The following CMC2 variants were observed in gnomAD, a reference collection of about 807,000 sequenced individuals.
The protein encoded by CMC2 is C-X9-C motif containing 2.
In CMC2, 5 loss-of-function variants were observed where a neutral mutation model predicts 7.5. That is an observed-to-expected ratio of 0.66 (90% confidence interval 0.35 to 1.40). The LOEUF (loss-of-function observed/expected upper bound fraction) is 1.40. Among genes scored for constraint, CMC2 ranks in the 40% most tolerant of loss-of-function variants. The pLI, the probability that CMC2 is intolerant of heterozygous loss-of-function variation, is 0.04. For missense variants in CMC2, 115 were observed against 92.3 expected (o/e 1.25, Z -1.01); for synonymous variants, 37 against 31.4 (o/e 1.18, Z -0.60).
At chr16:80,991,800 G>C (rs1336114672) in intron 2 of CMC2, 1 of 372,998 alleles carries the variant, frequency 2.7e-6, no homozygotes, top group Non-Finnish European at 5.4e-6. Flanking sequence ...CCAATTATGA[G>C]GAAAACAAGA....
At chr16:80,995,391 C>T (rs962156528) in intron 2 of CMC2, among the ~76,000 whole-genome samples, 1 of 151,326 alleles carries the variant, frequency 6.6e-6, no homozygotes, top group African/African-American at 2.4e-5. Context: ...TGCAGTGGCT[C>T]ATGCCTGTAA....
intron 3 of CMC2, chr16:80,980,824 C>A (rs1312500979): frequency 2.9e-6 from 2 of 699,840 alleles, no homozygotes; most frequent in African/African-American, 3.5e-5. Flanking sequence ...GAGTTTGAGG[C>A]TTCCGTGAGT....
chr16:80,975,849 T>G lies in CMC2; in HGVS notation c.*244A>C, dbSNP rs189976964. ...GGAGATAAGTTACTCAGATATTAAC[T>G]GGTTGTAGGCAAAGGGAATAAACAT... On this transcript the variant is annotated 3_prime_UTR_variant, in exon 4 of 4. Coordinates refer to ENST00000219400, the MANE Select transcript of CMC2 (RefSeq NM_020188.5). 1.5e-5 allele frequency: 5 copies of G among 335,066 alleles called. No individual in the cohort carries two copies. The highest frequency in any genetic ancestry group is 2.7e-5 in the Non-Finnish European group (5 of 185,742). 20.8% of individuals were successfully genotyped at this position (335,066 alleles called of 1,614,324 possible).
chr16:80,986,362 A>C (rs535978763), intron 2 of CMC2, among the ~76,000 whole-genome samples: 20 of 152,182 alleles, frequency 1.3e-4, no homozygotes, highest in South Asian at 2.1e-4. Flanking sequence ...AACTAACTAA[A>C]TAAATAAATA....
chr16:80,989,329 T>C (rs1351174106), intron 2 of CMC2, among the ~76,000 whole-genome samples: 1 of 152,204 alleles, frequency 6.6e-6, no homozygotes, highest in African/African-American at 2.4e-5. Flanking sequence ...TAAGGGAAAC[T>C]TTCCCTTCTC....
chr16:80,994,605 A>G (rs1157026479), intron 2 of CMC2, among the ~76,000 whole-genome samples: 1 of 152,248 alleles, frequency 6.6e-6, no homozygotes, highest in East Asian at 1.9e-4. Flanking sequence ...TGTCAAAATC[A>G]TTAGTCATCA....
intron 2 of CMC2, chr16:80,991,732 C>T (rs1968010941): frequency 3.1e-6 from 1 of 320,922 alleles, no homozygotes; most frequent in Non-Finnish European, 6.2e-6. Flanking sequence ...TAGTATGCAG[C>T]CTTGATGAAA....
At chr16:80,989,283 T>C (rs1193732431) in intron 2 of CMC2, among the ~76,000 whole-genome samples, 1 of 152,244 alleles carries the variant, frequency 6.6e-6, no homozygotes, top group Non-Finnish European at 1.5e-5. Context: ...TTTCTAATTC[T>C]AGCACTCCTC....
chr16:81,002,361 G>A (rs1244302750), intron 1 of CMC2, among the ~76,000 whole-genome samples: 2 of 152,198 alleles, frequency 1.3e-5, no homozygotes, highest in Non-Finnish European at 2.9e-5. Context: ...GGGAGGCAAG[G>A]TTGCAGTGAG....
At chr16:80,984,748 C>T (rs1331834182) in intron 2 of CMC2, among the ~76,000 whole-genome samples, 2 of 152,188 alleles carry the variant, frequency 1.3e-5, no homozygotes, top group South Asian at 4.1e-4. Context: ...GACATTTATT[C>T]ATATCATTCC....
At chr16:81,006,579 G>A (rs2151665411) in intron 1 of CMC2, 155 bp downstream of exon 1, 1 of 435,650 alleles carries the variant, frequency 2.3e-6, no homozygotes, top group Non-Finnish European at 3.1e-6. Flanking sequence ...CCCCAGCGCA[G>A]CAGCCCGGCT....
intron 2 of CMC2, 90 bp downstream of exon 2, chr16:80,997,224 T>C (rs1234575645): frequency 1.8e-5 from 14 of 792,912 alleles, no homozygotes; most frequent in Admixed American, 7.4e-5. Flanking sequence ...GACATTATCG[T>C]TTCCTTCTAT....
At chr16:80,997,986 CTAAT>C (rs1459364601) in intron 1 of CMC2, 1 of 151,758 alleles carries the variant, frequency 6.6e-6, no homozygotes, top group African/African-American at 2.4e-5. Flanking sequence ...AGCCATAAAA[CTAAT>C]TATTACACTG....
chr16:81,001,154 C>G (rs1968833812), intron 1 of CMC2: 1 of 152,138 alleles, frequency 6.6e-6, no homozygotes, highest in African/African-American at 2.4e-5. Context: ...TGGATACTCA[C>G]AGACATAAAG....
chr16:80,978,437 GATGA>G (rs1402240753), intron 3 of CMC2: 8 of 1,209,834 alleles, frequency 6.6e-6, no homozygotes. Flanking sequence ...GGGAGAAAAG[GATGA>G]ATATGAAGTT....
chr16:80,993,709 C>T (rs1307824091), intron 2 of CMC2, among the ~76,000 whole-genome samples: 1 of 152,112 alleles, frequency 6.6e-6, no homozygotes, highest in African/African-American at 2.4e-5. Context: ...AGAGTAAAGA[C>T]TATGCCAGCT....
Position 80,968,625 on chromosome 16 carries a change from A to G in CMC2, c.*7468T>C, listed in dbSNP as rs1007819840. The stretch of plus-strand genomic sequence containing the variant: ...TCCAAGGTAAAATTTTATGTACAGG[A>G]TATCTGTTTCTGGTAAAATAGCTCA... On this transcript the variant is annotated 3_prime_UTR_variant, in exon 4 of 4. Coordinates refer to ENST00000219400, the MANE Select transcript of CMC2 (RefSeq NM_020188.5). 1 of 152,280 alleles carries G rather than the reference A, an allele frequency of 6.6e-6. No homozygotes were observed. Among genetic ancestry groups the G allele is most frequent in the South Asian group, 2.1e-4 (1 of 4,832 alleles). The allele number at this position is 152,280 out of a possible 1,614,324, so 9.4% of individuals were successfully genotyped here.
At chr16:80,994,576 A>T (rs1968258163) in intron 2 of CMC2, among the ~76,000 whole-genome samples, 1 of 152,238 alleles carries the variant, frequency 6.6e-6, no homozygotes, top group Admixed American at 6.5e-5. Context: ...TGAATGGCCA[A>T]AGAAGCACAT....
intron 1 of CMC2, among the ~76,000 whole-genome samples, chr16:81,005,604 C>T (rs1969236728): frequency 1.0e-5 from 1 of 96,130 alleles, no homozygotes. Context: ...CAGTTCTAAA[C>T]CGATACCACT....
Sources: allele counts gnomAD v4.1 joint callset (sites outside exome capture counted in the v4.1 genomes callset), GRCh38; gene constraint gnomAD v4.1.1; transcripts MANE v1.5; gene names NCBI Gene and HGNC (gene_info 2026-07-23, HGNC 2026-07-21).